Variants in SOAT1 observed in about 807,000 individuals in gnomAD.
The protein encoded by SOAT1 is acyl-coenzyme A:cholesterol acyltransferase 1.
SOAT1 carries 55 observed loss-of-function variants against 69.5 expected under a neutral mutation model. The observed-to-expected ratio is 0.79, with a 90% CI of 0.64 to 0.99. SOAT1 has a LOEUF of 0.99. Among genes scored for constraint, SOAT1 ranks in the 50% least tolerant of loss-of-function variants. The pLI is 0.00. For missense variants in SOAT1, 580 were observed against 669.3 expected, an observed-to-expected ratio of 0.87 and a Z score of 1.47; for synonymous variants, 231 against 224.7, an observed-to-expected ratio of 1.03 and a Z score of -0.25.
chr1:179,341,696 G>A (rs1398582505), intron 7 of SOAT1, among the ~76,000 whole-genome samples: 7 of 151,828 alleles, frequency 4.6e-5, no homozygotes, highest in East Asian at 3.9e-4. Context: ...CACCACACCC[G>A]GCTAATTTTT....
rs187195537 is a variant in SOAT1, at chr1:179,321,126, C to T, written c.119-2311C>T. 5.3e-5 allele frequency among the ~76,000 whole-genome samples: 8 copies of T among 151,982 alleles called. No homozygotes were observed. The East Asian group carries it at 7.7e-4, about 15-fold the overall frequency. ...TTTGCCATGTTGACCAGGCTGGTCT[C>T]GAATTCCTGACTCAGGTGATCCGCC... On this transcript the variant is annotated intron_variant, in intron 2 of 15. Coordinates refer to ENST00000367619, the MANE Select transcript of SOAT1 (RefSeq NM_003101.6).
chr1:179,352,295 G>A (rs887149020), intron 15 of SOAT1, among the ~76,000 whole-genome samples: 1 of 151,112 alleles, frequency 6.6e-6, no homozygotes, highest in Admixed American at 6.6e-5. Flanking sequence ...CACAGTATAG[G>A]ACATAGGAAT....
rs547288922 is a variant in SOAT1 at position 179,347,186 on chromosome 1, G to A, written c.1118-414G>A. ...TGCCTGGCCAACATGGTGAAACCCG[G>A]TCTCTACTAAAAATACAAAAAATTA... is the stretch of plus-strand genomic sequence containing the variant. On this transcript the variant is annotated intron_variant, in intron 11 of 15. Transcript: ENST00000367619. Among the ~76,000 whole-genome samples, 164 of 152,020 alleles carry A rather than the reference G, an allele frequency of 1.1e-3. 2 individuals are homozygous for A. The highest frequency in any genetic ancestry group is 3.5e-3 in the African/African-American group (144 of 41,446).
At chr1:179,344,352 GGTTTTTTTTTTTTTTTT>G (rs1666449579) in intron 10 of SOAT1, among the ~76,000 whole-genome samples, 12 of 120,562 alleles carry the variant, frequency 1.0e-4, no homozygotes, top group African/African-American at 2.4e-4. Flanking sequence ...TTCATTAAGG[GGTTTTTTTTTTTTTTTT>G]TTTTTTTTTT....
chr1:179,336,085 A>T (rs1432383854), intron 4 of SOAT1, among the ~76,000 whole-genome samples: 2 of 150,842 alleles, frequency 1.3e-5, no homozygotes, highest in African/African-American at 4.9e-5. Flanking sequence ...GATCGCTTGA[A>T]CCTAGGAGGC....
chr1:179,351,232 T>G (rs372653119), intron 14 of SOAT1, 85 bp from the exon 15 acceptor site: 4 of 1,143,834 alleles, frequency 3.5e-6, no homozygotes, highest in African/African-American at 1.5e-5. Flanking sequence ...TTAATAGAGA[T>G]GGGGTTTCAC....
intron 3 of SOAT1, among the ~76,000 whole-genome samples, chr1:179,333,077 T>C (rs999450782): frequency 5.3e-5 from 8 of 152,216 alleles, no homozygotes; most frequent in Non-Finnish European, 1.0e-4. Context: ...TTTAGTTACC[T>C]TTTAACAATA....
chr1:179,348,026 T>G (rs1046207599), intron 12 of SOAT1, among the ~76,000 whole-genome samples: 6 of 152,210 alleles, frequency 3.9e-5, no homozygotes, highest in African/African-American at 1.4e-4. Flanking sequence ...TCATTTGAAA[T>G]GGACCGTCTA....
At chr1:179,323,165 AATCTAAT>A (rs1223827109) in intron 2 of SOAT1, among the ~76,000 whole-genome samples, 2 of 151,550 alleles carry the variant, frequency 1.3e-5, no homozygotes, top group African/African-American at 4.8e-5. Context: ...CTGTTCAGGG[AATCTAAT>A]TTCCCATGCT....
intron 3 of SOAT1, among the ~76,000 whole-genome samples, chr1:179,329,474 C>T (rs1375785849): frequency 6.6e-6 from 1 of 152,040 alleles, no homozygotes; most frequent in Non-Finnish European, 1.5e-5. Flanking sequence ...GCCTGTAATC[C>T]CAGCACTTTG....
At chr1:179,345,144 G>A in intron 11 of SOAT1, 68 bp downstream of exon 11, 1 of 1,534,674 alleles carries the variant, frequency 6.5e-7, no homozygotes. Context: ...TATTGCCTAT[G>A]AGCACCTTTG....
At chr1:179,296,355 G>A (rs561045003) in intron 1 of SOAT1, among the ~76,000 whole-genome samples, 1 of 152,264 alleles carries the variant, frequency 6.6e-6, no homozygotes, top group East Asian at 1.9e-4. Context: ...GCATCCACTG[G>A]GAGTCTTGGA....
chr1:179,313,368 C>A, intron 2 of SOAT1, among the ~76,000 whole-genome samples: 1 of 150,124 alleles, frequency 6.7e-6, no homozygotes. Context: ...TGAAATGTGG[C>A]TAGTCTGGAT....
At chr1:179,319,543 T>G (rs568944207) in intron 2 of SOAT1, among the ~76,000 whole-genome samples, 79 of 152,270 alleles carry the variant, frequency 5.2e-4, no homozygotes, top group African/African-American at 1.8e-3. Flanking sequence ...ATGCTGGGAT[T>G]ACAGTCATGA....
rs1666977458 is a variant in SOAT1 at position 179,358,439 on chromosome 1, T to C, written c.*4798T>C. ...TACTTCCTGTTTGTTTTTAAATACT[T>C]TTGAAACAGACAGTTCATGTACCCC... On this transcript the variant is annotated 3_prime_UTR_variant, in exon 16 of 16. Coordinates refer to ENST00000367619, the MANE Select transcript of SOAT1 (RefSeq NM_003101.6). The C allele has an allele frequency of 6.6e-6, 1 of 152,212 alleles. No individual in the cohort carries two copies. Among genetic ancestry groups the C allele is most frequent in the East Asian group, 1.9e-4 (1 of 5,192 alleles). 9.4% of individuals were successfully genotyped at this position (152,212 alleles called of 1,614,324 possible). A position where few individuals can be genotyped will look rare whatever the true frequency, so the allele number is the denominator to read the frequency against.
intron 2 of SOAT1, among the ~76,000 whole-genome samples, chr1:179,313,677 C>T (rs533907100): frequency 1.3e-5 from 2 of 152,210 alleles, no homozygotes; most frequent in African/African-American, 4.8e-5. Flanking sequence ...CTCCGCCTCC[C>T]AGGTCCAAGC....
chr1:179,339,314 T>A, intron 5 of SOAT1, 124 bp from the exon 6 acceptor site: 1 of 527,992 alleles, frequency 1.9e-6, no homozygotes, highest in Non-Finnish European at 3.2e-6. Flanking sequence ...TTTTGAGATG[T>A]TTTTGGAGAG....
At chr1:179,347,160 C>G (rs1333041862) in intron 11 of SOAT1, among the ~76,000 whole-genome samples, 1 of 151,990 alleles carries the variant, frequency 6.6e-6, no homozygotes, top group African/African-American at 2.4e-5. Flanking sequence ...AGATTGAGAC[C>G]TGCCTGGCCA....
intron 2 of SOAT1, among the ~76,000 whole-genome samples, chr1:179,314,141 C>G (rs998784910): frequency 1.3e-5 from 2 of 152,090 alleles, no homozygotes; most frequent in African/African-American, 4.8e-5. Flanking sequence ...AGACTCAGTT[C>G]AAATATTGAC....
Sources: gnomAD v4.1 joint callset for allele counts (sites outside exome capture counted in the v4.1 genomes callset) on GRCh38, gnomAD v4.1.1 for gene constraint, MANE v1.5 for transcripts, NCBI Gene and HGNC (gene_info 2026-07-23, HGNC 2026-07-21) for gene names.